DNAH14: variants seen among roughly 807,000 people sequenced by gnomAD.
DNAH14 encodes axonemal beta dynein heavy chain 14.
DNAH14 carries 478 observed loss-of-function variants against 520.9 expected under a neutral mutation model. That is an observed-to-expected ratio of 0.92 (90% confidence interval 0.85 to 0.99). The LOEUF (loss-of-function observed/expected upper bound fraction) is 0.99, where lower values mean the gene tolerates loss of function less well. Ranked by LOEUF, DNAH14 falls within the 50% of genes least tolerant of loss-of-function variation. The pLI, the probability that DNAH14 is intolerant of heterozygous loss-of-function variation, is 0.00. For missense variants in DNAH14, 4,831 were observed against 5,234.5 expected (o/e 0.92, Z 2.38); for synonymous variants, 1,581 against 1,757.2 (o/e 0.90, Z 2.51).
intron 11 of DNAH14, among the ~76,000 whole-genome samples, chr1:225,029,149 T>G (rs2066351794): frequency 6.6e-6 from 1 of 151,958 alleles, no homozygotes; most frequent in South Asian, 2.1e-4. Flanking sequence ...ATCTCAAATG[T>G]TAAGTGAAGG....
At chr1:225,136,589 C>A (rs2078971523) in intron 27 of DNAH14, among the ~76,000 whole-genome samples, 1 of 151,930 alleles carries the variant, frequency 6.6e-6, no homozygotes, top group Admixed American at 6.6e-5. Context: ...TTAATTTTTT[C>A]TTTCATTTTG....
chr1:225,168,931 G>A (rs576314910), intron 36 of DNAH14, among the ~76,000 whole-genome samples: 52 of 152,214 alleles, frequency 3.4e-4, no homozygotes, highest in African/African-American at 1.0e-3. Context: ...TCACACGGCC[G>A]GGTACTCCTC....
In DNAH14 at chr1:225,307,462, G is replaced by A; in HGVS notation, c.9007G>A (p.Asp3003Asn). ...AREEEMQTKRDRFHMGLSTIL... is the reference protein window; with the variant it reads ...AREEEMQTKRNRFHMGLSTIL... Reference sequence around the variant, plus strand: ...TCTTAATACTTTTTCTTCCTTCAGGGATCGCTTCCATATGGGTCTATCCAC... The same window carrying A: ...TCTTAATACTTTTTCTTCCTTCAGGAATCGCTTCCATATGGGTCTATCCAC... Residue 3003 changes from aspartate to asparagine, a missense_variant and splice_region_variant, in exon 59 of 86, where the codon GAT becomes AAT. Asp to Asn is a conservative substitution (Grantham distance 23). Coordinates refer to ENST00000682510, the MANE Select transcript of DNAH14 (RefSeq NM_001367479.1). 1 of 1,525,976 alleles carries A rather than the reference G, an allele frequency of 6.6e-7. No individual in the cohort carries two copies. The highest frequency in any genetic ancestry group is 8.8e-7 in the Non-Finnish European group (1 of 1,137,408). The allele number at this position is 1,525,976 out of a possible 1,614,324, so 94.5% of individuals were successfully genotyped here.
chr1:225,307,693 T>A (rs904160860), intron 59 of DNAH14, 124 bp downstream of exon 59: 2 of 644,216 alleles, frequency 3.1e-6, no homozygotes, highest in Non-Finnish European at 4.8e-6. Context: ...CCTATAGTTG[T>A]GTACACATGA....
intron 46 of DNAH14, among the ~76,000 whole-genome samples, chr1:225,262,717 A>G (rs1468888634): frequency 6.6e-6 from 1 of 152,024 alleles, no homozygotes. Context: ...CTACTTTTAT[A>G]CCAGTACCAT....
chr1:225,059,011 A>G (rs934463519), intron 17 of DNAH14, among the ~76,000 whole-genome samples: 15 of 152,068 alleles, frequency 9.9e-5, no homozygotes, highest in East Asian at 1.9e-4. Context: ...TGTTGATTTG[A>G]GGTGGAGAGT....
chr1:224,946,239 A>C (rs765351930), intron 1 of DNAH14, among the ~76,000 whole-genome samples: 10 of 152,080 alleles, frequency 6.6e-5, no homozygotes, highest in Non-Finnish European at 1.3e-4. Flanking sequence ...CTTTGATCTC[A>C]GACTGCTGTG....
intron 8 of DNAH14, among the ~76,000 whole-genome samples, chr1:224,987,444 G>A (rs1047503057): frequency 5.3e-5 from 8 of 152,124 alleles, no homozygotes; most frequent in African/African-American, 1.9e-4. Flanking sequence ...ACTACGGACT[G>A]GATCATTTAT....
At chr1:225,209,688 A>G (rs945825307) in intron 41 of DNAH14, among the ~76,000 whole-genome samples, 12 of 152,168 alleles carry the variant, frequency 7.9e-5, no homozygotes, top group African/African-American at 2.9e-4. Flanking sequence ...GTATTTTTAA[A>G]GTGTTTTATA....
intron 20 of DNAH14, 69 bp from the exon 21 acceptor site, chr1:225,085,475 A>G (rs1206528463): frequency 1.2e-5 from 17 of 1,366,276 alleles, no homozygotes; most frequent in Non-Finnish European, 1.6e-5. Flanking sequence ...TGCATTTAAA[A>G]TTTCCATTTT....
intron 69 of DNAH14, among the ~76,000 whole-genome samples, chr1:225,345,597 C>A (rs2095273592): frequency 1.3e-5 from 2 of 151,956 alleles, no homozygotes; most frequent in African/African-American, 4.8e-5. Flanking sequence ...AATAATGGCA[C>A]ACTTGTTATT....
chr1:225,124,805 A>T (rs969469842), intron 27 of DNAH14, among the ~76,000 whole-genome samples: 4 of 152,034 alleles, frequency 2.6e-5, no homozygotes, highest in African/African-American at 9.7e-5. Flanking sequence ...AAGGTTTTCT[A>T]TTTACTTTGC....
intron 14 of DNAH14, 33 bp downstream of exon 14, chr1:225,043,822 A>T (rs972353550): frequency 6.9e-7 from 1 of 1,457,810 alleles, no homozygotes; most frequent in African/African-American, 1.4e-5. Context: ...ATTACGAGTA[A>T]TTGTATTTTA....
intron 8 of DNAH14, among the ~76,000 whole-genome samples, chr1:224,997,230 A>G (rs2063453516): frequency 6.6e-6 from 1 of 152,020 alleles, no homozygotes; most frequent in Non-Finnish European, 1.5e-5. Context: ...TGTGTTCCTT[A>G]TGAAGTGAGA....
At chr1:224,963,898 A>G (rs1021751161) in intron 4 of DNAH14, among the ~76,000 whole-genome samples, 3 of 152,194 alleles carry the variant, frequency 2.0e-5, no homozygotes, top group African/African-American at 7.2e-5. Flanking sequence ...GGCCAGAAAT[A>G]TAACTTCTTA....
chr1:225,216,311 C>T (rs2089309997), intron 41 of DNAH14, among the ~76,000 whole-genome samples: 1 of 152,210 alleles, frequency 6.6e-6, no homozygotes, highest in South Asian at 2.1e-4. Context: ...CAACCTTTCT[C>T]TCTGGCTGCC....
chr1:225,373,914 G>A (rs777724615), intron 77 of DNAH14, among the ~76,000 whole-genome samples: 2 of 151,290 alleles, frequency 1.3e-5, no homozygotes, highest in South Asian at 4.2e-4. Context: ...TCGCTTGAGC[G>A]CAGGAGTTCC....
At chr1:224,996,150 A>G (rs2063374938) in intron 8 of DNAH14, among the ~76,000 whole-genome samples, 2 of 151,410 alleles carry the variant, frequency 1.3e-5, no homozygotes, top group South Asian at 4.2e-4. Context: ...AAGGAGACAG[A>G]CACCTCTTTC....
At position 225,398,634 on chromosome 1, in the gene DNAH14, G is replaced by A. The variant is rs1168053074; in HGVS notation, c.13606G>A (p.Asp4536Asn). The A allele has an allele frequency of 1.3e-6, 2 of 1,551,700 alleles. No homozygotes were observed. The highest frequency in any genetic ancestry group is 3.9e-5 in the Admixed American group (2 of 51,010). ...EDSLPLEMCC[D>N]FPDIYFLPTK... ...CTCGCTGCCTCTGGAGATGTGCTGT[G>A]ATTTTCCCGACATATACTTTTTGCC... The change falls in exon 85 of 86, where the codon GAT becomes AAT. Residue 4536 changes from aspartate to asparagine, a missense_variant. By Grantham distance (23) the Asp-to-Asn change is conservative. Coordinates refer to ENST00000682510, the MANE Select transcript of DNAH14 (RefSeq NM_001367479.1).
Sources: gnomAD v4.1 joint callset for allele counts (sites outside exome capture counted in the v4.1 genomes callset) on GRCh38, gnomAD v4.1.1 for gene constraint, MANE v1.5 for transcripts, NCBI Gene and HGNC (gene_info 2026-07-23, HGNC 2026-07-21) for gene names.